CNBD1: variants seen among roughly 807,000 people sequenced by gnomAD.
The protein encoded by CNBD1 is cyclic nucleotide-binding domain-containing protein 1.
Under a neutral mutation model 54.4 loss-of-function variants are expected in CNBD1, and 71 were observed. The ratio of observed to expected loss-of-function variants is 1.30; its 90% CI spans 1.08 to 1.59. The LOEUF is 1.59. CNBD1 is among the 40% of genes most tolerant of loss of function. CNBD1 has a pLI of 0.00. For synonymous variants in CNBD1, 182 were observed against 170.7 expected, an observed-to-expected ratio of 1.07 and a Z score of -0.51; for missense variants, 659 against 518.0, an observed-to-expected ratio of 1.27 and a Z score of -2.64.
intron 4 of CNBD1, among the ~76,000 whole-genome samples, chr8:87,108,070 C>G (rs1490360136): frequency 6.6e-6 from 1 of 152,018 alleles, no homozygotes; most frequent in African/African-American, 2.4e-5. Context: ...CAGAGGGATT[C>G]TCCTTCTCTC....
chr8:87,391,109 G>A (rs1811300600), intron 2 of CNBD1, among the ~76,000 whole-genome samples: 1 of 151,286 alleles, frequency 6.6e-6, no homozygotes, highest in Admixed American at 6.6e-5. Flanking sequence ...GGGAAGGGGG[G>A]AGGGATAGCA....
At chr8:87,303,541 A>G (rs1809064820) in intron 8 of CNBD1, among the ~76,000 whole-genome samples, 1 of 152,188 alleles carries the variant, frequency 6.6e-6, no homozygotes, top group Non-Finnish European at 1.5e-5. Flanking sequence ...ACCCTGGAAG[A>G]AAACCTAGGC....
intron 10 of CNBD1, among the ~76,000 whole-genome samples, chr8:87,364,647 C>T (rs1431299507): frequency 1.3e-5 from 2 of 151,892 alleles, no homozygotes; most frequent in Non-Finnish European, 2.9e-5. Context: ...TCTTCCCACC[C>T]TCCCCCTCTC....
chr8:87,045,670 A>G (rs576766917), intron 4 of CNBD1, among the ~76,000 whole-genome samples: 1 of 146,784 alleles, frequency 6.8e-6, no homozygotes, highest in South Asian at 2.2e-4. Context: ...GCTTGCAGTG[A>G]GCTAAGATTG....
intron 10 of CNBD1, among the ~76,000 whole-genome samples, chr8:87,356,476 G>A (rs1280136788): frequency 2.0e-5 from 3 of 152,164 alleles, no homozygotes; most frequent in Admixed American, 1.3e-4. Context: ...TGGCTGCATT[G>A]TGTCCATGCC....
At chr8:86,907,877 A>G (rs1809042158) in intron 3 of CNBD1, among the ~76,000 whole-genome samples, 2 of 152,194 alleles carry the variant, frequency 1.3e-5, no homozygotes, top group African/African-American at 2.4e-5. Context: ...ACTGATGAGG[A>G]AACTTTCATG....
At chr8:87,390,245 A>G (rs1178770979) in intron 2 of CNBD1, among the ~76,000 whole-genome samples, 1 of 152,190 alleles carries the variant, frequency 6.6e-6, no homozygotes, top group African/African-American at 2.4e-5. Flanking sequence ...AAAATTGACA[A>G]ATGGGATCTA....
intron 8 of CNBD1, among the ~76,000 whole-genome samples, chr8:87,332,930 G>A (rs1057150481): frequency 6.6e-6 from 1 of 152,034 alleles, no homozygotes; most frequent in African/African-American, 2.4e-5. Context: ...TAGTTTGATG[G>A]GAATAATATT....
At chr8:86,980,679 T>G (rs1390760394) in intron 4 of CNBD1, among the ~76,000 whole-genome samples, 1 of 152,238 alleles carries the variant, frequency 6.6e-6, no homozygotes, top group Non-Finnish European at 1.5e-5. Flanking sequence ...GTACTGGTAT[T>G]AAGGGATTTG....
chr8:87,328,454 G>T (rs541558023), intron 8 of CNBD1, among the ~76,000 whole-genome samples: 105 of 146,014 alleles, frequency 7.2e-4, no homozygotes, highest in Admixed American at 2.2e-3. Context: ...TTTTTTTTCT[G>T]GGCTTTTCAT....
At chr8:87,073,353 T>C (rs1422874784) in intron 4 of CNBD1, among the ~76,000 whole-genome samples, 1 of 151,960 alleles carries the variant, frequency 6.6e-6, no homozygotes, top group Admixed American at 6.6e-5. Context: ...GCCGGAGAGG[T>C]ATTGTAGTCA....
At chr8:86,951,581 C>CAAAAAAAAAAA (rs71275901) in intron 4 of CNBD1, among the ~76,000 whole-genome samples, 848 of 37,350 alleles carry the variant, frequency 0.023, 301 homozygotes, top group East Asian at 0.049. Flanking sequence ...CTCCGTCTCA[C>CAAAAAAAAAAA]AAAAAAAAAA....
intron 4 of CNBD1, among the ~76,000 whole-genome samples, chr8:87,061,355 C>T (rs538813842): frequency 6.6e-6 from 1 of 152,302 alleles, no homozygotes; most frequent in South Asian, 2.1e-4. Context: ...AGTGCATTAA[C>T]AGCAGATTCC....
At chr8:86,939,856 A>G in intron 4 of CNBD1, 102 bp downstream of exon 4, 2 of 704,834 alleles carry the variant, frequency 2.8e-6, no homozygotes, top group South Asian at 4.4e-5. Context: ...TTTAGTTATG[A>G]TACAGCACTC....
At chr8:86,877,008 T>A (rs771432370) in intron 1 of CNBD1, among the ~76,000 whole-genome samples, 31 of 152,088 alleles carry the variant, frequency 2.0e-4, no homozygotes, top group Non-Finnish European at 3.8e-4. Context: ...ATTTCTTGAT[T>A]TATCAACTTT....
At chr8:86,979,248 A>C (rs1808412166) in intron 4 of CNBD1, among the ~76,000 whole-genome samples, 2 of 151,850 alleles carry the variant, frequency 1.3e-5, no homozygotes, top group Admixed American at 1.3e-4. Flanking sequence ...CTTTTTTAAA[A>C]TTAAAAGAAT....
chr8:87,347,132 G>A (rs575800898), intron 8 of CNBD1, among the ~76,000 whole-genome samples: 21 of 152,108 alleles, frequency 1.4e-4, no homozygotes, highest in African/African-American at 5.1e-4. Flanking sequence ...CTTACCCACC[G>A]CCAGACAGAT....
intron 4 of CNBD1, among the ~76,000 whole-genome samples, chr8:86,984,767 T>A (rs1808567616): frequency 6.6e-6 from 1 of 152,160 alleles, no homozygotes; most frequent in African/African-American, 2.4e-5. Context: ...CATACCCCCA[T>A]TGTATCTAGG....
intron 2 of CNBD1, among the ~76,000 whole-genome samples, chr8:87,391,526 G>A (rs1398639709): frequency 1.3e-5 from 2 of 152,064 alleles, no homozygotes; most frequent in Non-Finnish European, 2.9e-5. Flanking sequence ...ATAATTGAAT[G>A]TCCATAAATA....
Sources: allele counts gnomAD v4.1 joint callset (sites outside exome capture counted in the v4.1 genomes callset), GRCh38; gene constraint gnomAD v4.1.1; transcripts MANE v1.5; gene names NCBI Gene and HGNC (gene_info 2026-07-23, HGNC 2026-07-21).